Variants in NUP42 observed in about 807,000 individuals in gnomAD.
The protein encoded by NUP42 is nucleoporin 42.
NUP42 carries 47 observed loss-of-function variants against 35.9 expected under a neutral mutation model. The observed-to-expected ratio is 1.31, with a 90% CI of 1.04 to 1.67. The LOEUF (loss-of-function observed/expected upper bound fraction) is 1.67, where lower values mean the gene tolerates loss of function less well. NUP42 is among the 40% of genes most tolerant of loss of function. The pLI is 0.00. For missense variants in NUP42, 514 were observed against 492.2 expected (o/e 1.04, Z -0.42); for synonymous variants, 173 against 173.3 (o/e 1.00, Z 0.01).
At chr7:23,190,935 A>C (rs10232205) in intron 3 of NUP42, among the ~76,000 whole-genome samples, 7,021 of 152,324 alleles carry the variant, frequency 0.046, 234 homozygotes, top group Middle Eastern at 0.12. Flanking sequence ...AGGAATAGGC[A>C]ATTAGGGGAA....
At chr7:23,188,418 A>G (rs888099693) in intron 3 of NUP42, 21 of 985,162 alleles carry the variant, frequency 2.1e-5, no homozygotes, top group Non-Finnish European at 2.5e-5. Context: ...GATATTTTCT[A>G]TAAAGAAACC....
rs182357600 is a variant in NUP42 at position 23,184,989 on chromosome 7, G to C, written c.122-81G>C. The C allele has an allele frequency of 2.3e-5, 27 of 1,191,754 alleles. No homozygotes were observed. In the African/African-American group the frequency reaches 2.9e-4, roughly 13 times the overall value. The allele number at this position is 1,191,754 out of a possible 1,614,324, so 73.8% of individuals were successfully genotyped here. A position where few individuals can be genotyped will look rare whatever the true frequency, so the allele number is the denominator to read the frequency against. ...CCACTGTACTCCACCCTGGGCAAAA[G>C]AGTGAGACCCTATCTCAATTAAAAA... On this transcript the variant is annotated intron_variant, in intron 1 of 6. Coordinates refer to ENST00000258742, the MANE Select transcript of NUP42 (RefSeq NM_007342.3).
intron 1 of NUP42, 89 bp from the exon 2 acceptor site, chr7:23,184,981 G>A (rs1785540077): frequency 9.0e-7 from 1 of 1,106,728 alleles, no homozygotes; most frequent in Admixed American, 2.4e-5. Flanking sequence ...ACTCCACCCT[G>A]GGCAAAAGAG....
In NUP42 at chr7:23,183,612, C is replaced by G. The variant is rs10251439; in HGVS notation, c.121+1406C>G. ...TCCTTTTATTTCCTCCACAATTAATCTAGTGAAATATTTCAGACCGAAAAT... is the reference window on the plus strand; with the variant it reads ...TCCTTTTATTTCCTCCACAATTAATGTAGTGAAATATTTCAGACCGAAAAT... On this transcript the variant is annotated intron_variant, in intron 1 of 6. Coordinates refer to ENST00000258742, the MANE Select transcript of NUP42 (RefSeq NM_007342.3). Among the ~76,000 whole-genome samples the G allele has an allele frequency of 2.6e-5, 4 of 152,150 alleles. No individual in the cohort carries two copies. In the South Asian group the frequency reaches 8.3e-4, roughly 32 times the overall value.
At chr7:23,191,596 C>G (rs1184377724) in intron 3 of NUP42, among the ~76,000 whole-genome samples, 1 of 152,152 alleles carries the variant, frequency 6.6e-6, no homozygotes, top group East Asian at 1.9e-4. Context: ...AGCAGGTGTC[C>G]TTGGAGTTAA....
chr7:23,200,290 G>T lies in NUP42; in HGVS notation c.817G>T (p.Ala273Ser), dbSNP rs1786167911. 1.2e-6 allele frequency: 2 copies of T among 1,602,772 alleles called. 1 individual carries two copies. The highest frequency in any genetic ancestry group is 2.2e-5 in the South Asian group (2 of 89,666). The change falls in exon 7 of 7, where the codon GCT becomes TCT. Residue 273 changes from alanine to serine, a missense_variant. Transcript: ENST00000258742. ...TTTTGGGAGTTCCCCAGCATTTGGAGCTGCAGCCTCTACCAGTTCAGGTAT... is the reference window on the plus strand; with the variant it reads ...TTTTGGGAGTTCCCCAGCATTTGGATCTGCAGCCTCTACCAGTTCAGGTAT... ...AGFGSSPAFG[A>S]AASTSSGIST...
intron 5 of NUP42, 92 bp from the exon 6 acceptor site, chr7:23,199,366 T>G (rs1786126520): frequency 9.0e-7 from 1 of 1,113,782 alleles, no homozygotes; most frequent in Non-Finnish European, 1.4e-6. Context: ...ATGCACATTT[T>G]AAAAACTTGA....
intron 5 of NUP42, among the ~76,000 whole-genome samples, chr7:23,198,852 T>A (rs1398310061): frequency 1.3e-5 from 2 of 152,140 alleles, no homozygotes; most frequent in Non-Finnish European, 1.5e-5. Context: ...CTGAAAAAAA[T>A]TTAAAAATAT....
intron 3 of NUP42, among the ~76,000 whole-genome samples, chr7:23,190,770 C>G (rs1197666159): frequency 1.3e-5 from 2 of 151,796 alleles, no homozygotes; most frequent in African/African-American, 4.8e-5. Flanking sequence ...CACATGTACC[C>G]TAAAACTTAA....
At chr7:23,188,854 T>A (rs889604661) in intron 3 of NUP42, among the ~76,000 whole-genome samples, 4 of 152,140 alleles carry the variant, frequency 2.6e-5, no homozygotes, top group Admixed American at 6.5e-5. Context: ...CATTGAGGAG[T>A]AGAACTACTT....
rs1786025011 is a variant in NUP42 at position 23,196,742 on chromosome 7, A to G, written c.585A>G (p.Leu195=). The change falls in exon 5 of 7, where the codon CTA becomes CTG. Residue 195 remains leucine, a synonymous_variant. Coordinates refer to ENST00000258742, the MANE Select transcript of NUP42 (RefSeq NM_007342.3). Reference sequence around the variant, plus strand: ...ACAGGGTAAATGAACTGAAAAGTCTAAATATATCAACTAAAGTAGCTTTGG... The same window carrying G: ...ACAGGGTAAATGAACTGAAAAGTCTGAATATATCAACTAAAGTAGCTTTGG... ...WRNRVNELKS[L]NISTKVALLS... is the part of the protein sequence containing the mutation. 2 of 1,609,980 alleles carry G rather than the reference A, an allele frequency of 1.2e-6. No individual in the cohort carries two copies. Among genetic ancestry groups the G allele is most frequent in the Non-Finnish European group, 1.7e-6 (2 of 1,176,566 alleles).
chr7:23,188,082 C>T, intron 3 of NUP42: 1 of 1,438,534 alleles, frequency 7.0e-7, no homozygotes, highest in Non-Finnish European at 9.1e-7. Context: ...CTTTCCCAAG[C>T]CCACTCTGGG....
rs1785538803 is a variant in NUP42 at position 23,184,956 on chromosome 7, A to G, written c.122-114A>G. On this transcript the variant is annotated intron_variant, in intron 1 of 6. Coordinates refer to ENST00000258742, the MANE Select transcript of NUP42 (RefSeq NM_007342.3). ...AGGAGGTTGAGGTTACAGTGAGCCA[A>G]GATCATGCCACTGTACTCCACCCTG... 8.4e-6 allele frequency: 7 copies of G among 832,760 alleles called. No homozygotes were observed. The East Asian group carries it at 1.9e-4, about 22-fold the overall frequency. The allele number at this position is 832,760 out of a possible 1,614,324, so 51.6% of individuals were successfully genotyped here. A position where few individuals can be genotyped will look rare whatever the true frequency, so the allele number is the denominator to read the frequency against.
intron 3 of NUP42, chr7:23,188,250 C>T (rs1785672757): frequency 2.4e-6 from 3 of 1,243,268 alleles, no homozygotes; most frequent in East Asian, 6.4e-5. Context: ...TATTTATTCA[C>T]TTGTCCATTT....
At chr7:23,188,253 G>A in intron 3 of NUP42, 3 of 1,241,530 alleles carry the variant, frequency 2.4e-6, no homozygotes, top group Middle Eastern at 3.1e-4. Flanking sequence ...TTATTCACTT[G>A]TCCATTTAAC....
At chr7:23,186,977 G>A in intron 2 of NUP42, 75 bp from the exon 3 acceptor site, 3 of 993,426 alleles carry the variant, frequency 3.0e-6, no homozygotes, top group Non-Finnish European at 3.0e-6. Context: ...TTCAGTTGTG[G>A]AAAACCATTA....
At position 23,200,777 on chromosome 7, in the gene NUP42, G is replaced by A; in HGVS notation, c.*32G>A. ...AATTTTAAATACAAAAAAGAATGAT[G>A]TTTAAAATTGCTTTGAGTGATTCAT... is the stretch of plus-strand genomic sequence containing the variant. On this transcript the variant is annotated 3_prime_UTR_variant, in exon 7 of 7. Transcript: ENST00000258742. 7.0e-7 allele frequency: 1 copy of A among 1,433,064 alleles called. No individual in the cohort carries two copies. The highest frequency in any genetic ancestry group is 9.4e-7 in the Non-Finnish European group (1 of 1,063,514). 88.8% of individuals were successfully genotyped at this position (1,433,064 alleles called of 1,614,324 possible).
chr7:23,184,236 T>C (rs1420886144), intron 1 of NUP42, among the ~76,000 whole-genome samples: 1 of 152,206 alleles, frequency 6.6e-6, no homozygotes. Flanking sequence ...TGTAGGTGTT[T>C]GCCCAGAGAA....
Position 23,182,132 on chromosome 7 carries a change from A to T in NUP42, c.47A>T (p.Asp16Val), listed in dbSNP as rs1252484994. 2 of 1,614,040 alleles carry T rather than the reference A, an allele frequency of 1.2e-6. No homozygotes were observed. The highest frequency in any genetic ancestry group is 2.7e-5 in the African/African-American group (2 of 74,934). ...FFLQGRCRFG[D>V]RCWNEHPGAR... Reference sequence around the variant, plus strand: ...CTTCAAGGCCGGTGCCGCTTTGGAGATCGGTGCTGGAACGAACATCCCGGT... The same window carrying T: ...CTTCAAGGCCGGTGCCGCTTTGGAGTTCGGTGCTGGAACGAACATCCCGGT... The change falls in exon 1 of 7, where the codon GAT becomes GTT. Residue 16 changes from aspartate (D) to valine (V), a missense_variant. By Grantham distance (152) the Asp-to-Val change is radical (BLOSUM62 -3). Transcript: ENST00000258742.
Sources: allele counts gnomAD v4.1 joint callset (sites outside exome capture counted in the v4.1 genomes callset), GRCh38; gene constraint gnomAD v4.1.1; transcripts MANE v1.5; gene names NCBI Gene and HGNC (gene_info 2026-07-23, HGNC 2026-07-21).